The following TTBK2 variants were observed in gnomAD, a reference collection of about 807,000 sequenced individuals.
TTBK2 encodes the protein tau tubulin kinase 2.
In TTBK2, 28 loss-of-function variants were observed where a neutral mutation model predicts 110.8. The ratio of observed to expected loss-of-function variants is 0.25; its 90% CI spans 0.19 to 0.35. TTBK2 has a LOEUF of 0.35. Ranked by LOEUF, TTBK2 falls within the 10% of genes least tolerant of loss-of-function variation. The pLI, the probability that TTBK2 is intolerant of heterozygous loss-of-function variation, is 1.00. For missense variants in TTBK2, 1,369 were observed against 1,500.3 expected (o/e 0.91, Z 1.45); for synonymous variants, 532 against 527.3 (o/e 1.01, Z -0.12).
chr15:42,868,933 T>C (rs1402547857), intron 3 of TTBK2, among the ~76,000 whole-genome samples: 3 of 152,076 alleles, frequency 2.0e-5, no homozygotes, highest in African/African-American at 4.8e-5. Flanking sequence ...GGATTCTACA[T>C]GTGTACCAAA....
intron 4 of TTBK2, among the ~76,000 whole-genome samples, chr15:42,839,798 C>A (rs1340313191): frequency 1.3e-5 from 2 of 151,990 alleles, no homozygotes; most frequent in East Asian, 3.8e-4. Context: ...AAGTAGGTTC[C>A]TGATAAAAAG....
In TTBK2 at chr15:42,742,369, G is replaced by A. The variant is rs2061756756; in HGVS notation, c.*3426C>T. ...AGAATGAGAGTGTCTGTCTGCCTAG[G>A]GCTTAACATTCAAAGATATTTATAA... On this transcript the variant is annotated 3_prime_UTR_variant, in exon 15 of 15. Transcript: ENST00000267890. The A allele has an allele frequency of 6.6e-6, 1 of 152,074 alleles. No individual in the cohort carries two copies. Among genetic ancestry groups the A allele is most frequent in the Non-Finnish European group, 1.5e-5 (1 of 68,008 alleles). 9.4% of individuals were successfully genotyped at this position (152,074 alleles called of 1,614,324 possible).
At chr15:42,894,424 C>G (rs190523183) in intron 1 of TTBK2, among the ~76,000 whole-genome samples, 1 of 152,220 alleles carries the variant, frequency 6.6e-6, no homozygotes, top group East Asian at 1.9e-4. Flanking sequence ...CACTTCCCAT[C>G]TCATTTTATG....
intron 4 of TTBK2, among the ~76,000 whole-genome samples, chr15:42,834,626 TA>T (rs1044136939): frequency 1.3e-5 from 2 of 152,018 alleles, no homozygotes; most frequent in African/African-American, 2.4e-5. Context: ...ATTTGAATAT[TA>T]AAAAAACCGT....
intron 9 of TTBK2, among the ~76,000 whole-genome samples, chr15:42,797,896 A>T (rs1891015569): frequency 6.6e-6 from 1 of 151,036 alleles, no homozygotes; most frequent in Non-Finnish European, 1.5e-5. Context: ...TTATTTATTT[A>T]TTTTTGAGAC....
chr15:42,891,907 A>G (rs1440467494), intron 1 of TTBK2, among the ~76,000 whole-genome samples: 1 of 152,140 alleles, frequency 6.6e-6, no homozygotes, highest in Non-Finnish European at 1.5e-5. Context: ...CATTAACTTG[A>G]CGCAATTAGT....
intron 3 of TTBK2, among the ~76,000 whole-genome samples, chr15:42,851,080 A>T (rs1367667662): frequency 6.6e-6 from 1 of 151,342 alleles, no homozygotes; most frequent in Admixed American, 6.6e-5. Flanking sequence ...AAAAATAAAA[A>T]AATAAAAAAA....
chr15:42,866,612 C>T (rs1340660519), intron 3 of TTBK2, among the ~76,000 whole-genome samples: 1 of 152,070 alleles, frequency 6.6e-6, no homozygotes, highest in Non-Finnish European at 1.5e-5. Flanking sequence ...CAGCAGAATA[C>T]ACATTCTCAT....
At chr15:42,890,511 G>C (rs1244105032) in intron 1 of TTBK2, among the ~76,000 whole-genome samples, 3 of 152,208 alleles carry the variant, frequency 2.0e-5, no homozygotes, top group Non-Finnish European at 4.4e-5. Flanking sequence ...CATAAATGAA[G>C]TGTTTTCCTG....
At chr15:42,756,789 T>A (rs565523250) in intron 13 of TTBK2, among the ~76,000 whole-genome samples, 99 of 151,662 alleles carry the variant, frequency 6.5e-4, no homozygotes, top group Middle Eastern at 3.4e-3. Context: ...TCCCAGCTAC[T>A]CAAGAGGCTG....
In TTBK2 at chr15:42,810,621, T is replaced by C; in HGVS notation, c.815A>G (p.Asp272Gly). 6.2e-7 allele frequency: 1 copy of C among 1,613,846 alleles called. No individual in the cohort carries two copies. The change falls in exon 9 of 15, where the codon GAC becomes GGC. Residue 272 changes from aspartate to glycine, a missense_variant. Around this residue, in one of 4 missense-constraint regions of TTBK2, gnomAD observed 138 missense variants for 179.0 expected, o/e 0.77. Coordinates refer to ENST00000267890, the MANE Select transcript of TTBK2 (RefSeq NM_173500.4). ...ACTCACAAAGATGGTTACCTGGTAG[T>C]CTGGTTTTGTAAAATAATCCAAAGA... ...ISSLDYFTKP[D>G]YQLLTSVFDN...
chr15:42,842,429 A>G (rs894280264), intron 3 of TTBK2, among the ~76,000 whole-genome samples: 3 of 152,206 alleles, frequency 2.0e-5, no homozygotes, highest in African/African-American at 7.2e-5. Flanking sequence ...ATAATGGGTT[A>G]AAGAGTAAAG....
intron 9 of TTBK2, among the ~76,000 whole-genome samples, chr15:42,799,471 T>C (rs1258114974): frequency 6.6e-6 from 1 of 151,996 alleles, no homozygotes; most frequent in Middle Eastern, 3.2e-3. Context: ...TCTCACTCTG[T>C]TGCCCAGGCT....
At chr15:42,821,791 C>T (rs1892316236) in intron 6 of TTBK2, among the ~76,000 whole-genome samples, 1 of 151,482 alleles carries the variant, frequency 6.6e-6, no homozygotes, top group South Asian at 2.1e-4. Context: ...CCGGGTTCAC[C>T]CCATTCTCCT....
At chr15:42,883,718 T>C (rs1472136026) in intron 1 of TTBK2, among the ~76,000 whole-genome samples, 1 of 151,978 alleles carries the variant, frequency 6.6e-6, no homozygotes, top group Non-Finnish European at 1.5e-5. Context: ...AATAATAGAA[T>C]GGTTGACCTG....
At chr15:42,804,135 T>C (rs1891349846) in intron 9 of TTBK2, among the ~76,000 whole-genome samples, 1 of 151,672 alleles carries the variant, frequency 6.6e-6, no homozygotes. Flanking sequence ...ATTATTATCA[T>C]AATTACCTCA....
In TTBK2 at chr15:42,830,098, A is replaced by T. The variant is rs1892687083; in HGVS notation, c.292-20T>A. On this transcript the variant is annotated intron_variant, in intron 4 of 14. Transcript: ENST00000267890. ...CCGACCCTATGGAAATCAAATAAAC[A>T]CTTTCAAATACAGTACTAAAACTAT... is the stretch of plus-strand genomic sequence containing the variant. 6.2e-7 allele frequency: 1 copy of T among 1,613,810 alleles called. No homozygotes were observed. The highest frequency in any genetic ancestry group is 1.3e-5 in the African/African-American group (1 of 74,922).
intron 3 of TTBK2, among the ~76,000 whole-genome samples, chr15:42,841,233 G>T (rs1893206485): frequency 6.6e-6 from 1 of 152,022 alleles, no homozygotes; most frequent in African/African-American, 2.4e-5. Context: ...TTGAGACAGG[G>T]TCTCACTTTG....
chr15:42,792,310 T>C (rs1180392447), intron 10 of TTBK2, among the ~76,000 whole-genome samples: 1 of 152,232 alleles, frequency 6.6e-6, no homozygotes, highest in Non-Finnish European at 1.5e-5. Context: ...CCCATATATA[T>C]GTATAATTAT....
Sources: gnomAD v4.1 joint callset for allele counts (sites outside exome capture counted in the v4.1 genomes callset) on GRCh38, gnomAD v4.1.1 for gene constraint, gnomAD v4.1.1 regional missense constraint, MANE v1.5 for transcripts, NCBI Gene and HGNC (gene_info 2026-07-23, HGNC 2026-07-21) for gene names.